Variants in OSTF1 observed in about 807,000 individuals in gnomAD.
OSTF1 encodes osteoclast stimulating factor 1, also known as osteoclast-stimulating factor 1.
OSTF1 carries 27 observed loss-of-function variants against 37.2 expected under a neutral mutation model. The ratio of observed to expected loss-of-function variants is 0.73; its 90% CI spans 0.54 to 1.00. OSTF1 has a LOEUF of 1.00. OSTF1 is among the 50% of genes least tolerant of loss of function. The pLI is 0.00. For missense variants in OSTF1, 232 were observed against 253.8 expected (o/e 0.91, Z 0.58); for synonymous variants, 82 against 89.2 (o/e 0.92, Z 0.46).
chr9:75,120,866 T>G (rs1168050591), intron 2 of OSTF1, among the ~76,000 whole-genome samples: 1 of 152,222 alleles, frequency 6.6e-6, no homozygotes, highest in African/African-American at 2.4e-5. Flanking sequence ...CTCTCAACCC[T>G]TTCTAGACCC....
chr9:75,125,156 G>A (rs1825641851), intron 2 of OSTF1, among the ~76,000 whole-genome samples: 1 of 152,164 alleles, frequency 6.6e-6, no homozygotes, highest in African/African-American at 2.4e-5. Context: ...ATCTAAAGGT[G>A]AGAGAGTCAG....
intron 1 of OSTF1, among the ~76,000 whole-genome samples, chr9:75,107,164 A>G (rs79539317): frequency 7.7e-6 from 1 of 130,346 alleles, no homozygotes; most frequent in Admixed American, 7.6e-5. Context: ...CCCCAAGAAT[A>G]AAAAATGATG....
At chr9:75,102,957 A>C (rs1825219679) in intron 1 of OSTF1, among the ~76,000 whole-genome samples, 1 of 152,186 alleles carries the variant, frequency 6.6e-6, no homozygotes, top group Non-Finnish European at 1.5e-5. Context: ...AAAGTGGATA[A>C]GGAGGACTCA....
intron 7 of OSTF1, among the ~76,000 whole-genome samples, chr9:75,136,404 T>C (rs1389812524): frequency 6.6e-6 from 1 of 152,140 alleles, no homozygotes; most frequent in African/African-American, 2.4e-5. Context: ...TATTATTTTT[T>C]TAATTTGAGA....
intron 3 of OSTF1, among the ~76,000 whole-genome samples, chr9:75,128,072 T>A (rs2118564096): frequency 6.6e-6 from 1 of 151,976 alleles, no homozygotes; most frequent in East Asian, 1.9e-4. Flanking sequence ...AGAGTAAAGA[T>A]CCTTTCTCTA....
chr9:75,100,123 G>C (rs1825164113), intron 1 of OSTF1, among the ~76,000 whole-genome samples: 1 of 152,230 alleles, frequency 6.6e-6, no homozygotes, highest in Non-Finnish European at 1.5e-5. Context: ...CAAATTCCTA[G>C]TGATTATTCT....
At chr9:75,121,926 T>C (rs922479763) in intron 2 of OSTF1, among the ~76,000 whole-genome samples, 1 of 152,158 alleles carries the variant, frequency 6.6e-6, no homozygotes, top group Non-Finnish European at 1.5e-5. Flanking sequence ...CCTCAGGAGA[T>C]GGGGACAGCA....
Position 75,146,920 on chromosome 9 carries a change from G to A in OSTF1, c.*179G>A. 2.3e-6 allele frequency: 1 copy of A among 444,010 alleles called. No individual in the cohort carries two copies. The allele number at this position is 444,010 out of a possible 1,614,324, so 27.5% of individuals were successfully genotyped here. A position where few individuals can be genotyped will look rare whatever the true frequency, so the allele number is the denominator to read the frequency against. On this transcript the variant is annotated 3_prime_UTR_variant, in exon 10 of 10. Coordinates refer to ENST00000346234, the MANE Select transcript of OSTF1 (RefSeq NM_012383.5). ...TCCCACCTTTGGTTTGCCAGTAAGT[G>A]ACTGGATTCTTGGCACATTTATGTT... is the stretch of plus-strand genomic sequence containing the variant.
intron 1 of OSTF1, among the ~76,000 whole-genome samples, chr9:75,111,923 A>G (rs181872584): frequency 7.5e-6 from 1 of 134,208 alleles, no homozygotes; most frequent in African/African-American, 2.8e-5. Context: ...TCCTGGGTTT[A>G]AGCGATTCTC....
chr9:75,096,113 G>C (rs1825081716), intron 1 of OSTF1, among the ~76,000 whole-genome samples: 1 of 152,254 alleles, frequency 6.6e-6, no homozygotes, highest in Non-Finnish European at 1.5e-5. Context: ...GGATGGTCTC[G>C]ATCTCCTGAC....
At chr9:75,088,855 C>T in intron 1 of OSTF1, 129 bp downstream of exon 1, 6 of 822,984 alleles carry the variant, frequency 7.3e-6, no homozygotes, top group Admixed American at 2.4e-5. Context: ...TCGGCCCCAC[C>T]GGGATGGGCG....
intron 5 of OSTF1, 45 bp downstream of exon 5, chr9:75,131,868 G>T (rs377356616): frequency 2.1e-6 from 3 of 1,438,554 alleles, no homozygotes; most frequent in Non-Finnish European, 2.9e-6. Flanking sequence ...ACAGTAAAAG[G>T]CACGGATTTC....
chr9:75,122,377 A>G (rs1414440258), intron 2 of OSTF1, among the ~76,000 whole-genome samples: 2 of 152,244 alleles, frequency 1.3e-5, no homozygotes, highest in East Asian at 1.9e-4. Flanking sequence ...TGGTTGTGAA[A>G]TAGAGATTAT....
chr9:75,090,294 G>GGTGT lies in OSTF1; in HGVS notation c.34+1601_34+1604dup, dbSNP rs3837221. 5.8e-4 allele frequency among the ~76,000 whole-genome samples: 86 copies of GGTGT among 149,464 alleles called. No individual in the cohort carries two copies. The East Asian group carries it at 7.5e-3, about 13-fold the overall frequency. On this transcript the variant is annotated intron_variant, in intron 1 of 9. Coordinates refer to ENST00000346234, the MANE Select transcript of OSTF1 (RefSeq NM_012383.5). ...TATTGCAAATGGAGGGACATTGACA[G>GGTGT]GTGTGTGTGTGTGTGTGTGTGTGTG...
chr9:75,106,269 A>G (rs77845105), intron 1 of OSTF1, among the ~76,000 whole-genome samples: 5,466 of 152,320 alleles, frequency 0.036, 307 homozygotes, highest in African/African-American at 0.12. Flanking sequence ...TACTCATTAC[A>G]TTGGAAACTA....
intron 2 of OSTF1, among the ~76,000 whole-genome samples, chr9:75,124,379 A>G (rs903844742): frequency 2.0e-5 from 3 of 151,848 alleles, no homozygotes; most frequent in Non-Finnish European, 2.9e-5. Flanking sequence ...TTCTTTCTAA[A>G]TTTTTTTTGT....
intron 1 of OSTF1, among the ~76,000 whole-genome samples, chr9:75,096,401 T>G (rs1825087164): frequency 6.6e-6 from 1 of 152,214 alleles, no homozygotes; most frequent in Admixed American, 6.5e-5. Flanking sequence ...TTTATATTCT[T>G]GGGACCGAAG....
intron 1 of OSTF1, among the ~76,000 whole-genome samples, chr9:75,109,391 A>C (rs888154199): frequency 6.6e-6 from 1 of 152,216 alleles, no homozygotes; most frequent in Non-Finnish European, 1.5e-5. Context: ...TAATTTTAGC[A>C]TTTGGTCATT....
At chr9:75,118,888 G>A (rs531805222) in intron 2 of OSTF1, among the ~76,000 whole-genome samples, 10 of 152,314 alleles carry the variant, frequency 6.6e-5, no homozygotes, top group Admixed American at 6.5e-4. Flanking sequence ...TTCAAGGTGA[G>A]ATTTGGGTGG....
Sources: allele counts gnomAD v4.1 joint callset (sites outside exome capture counted in the v4.1 genomes callset), GRCh38; gene constraint gnomAD v4.1.1; transcripts MANE v1.5; gene names NCBI Gene and HGNC (gene_info 2026-07-23, HGNC 2026-07-21).